Variants in SLC35F1 observed in about 807,000 individuals in gnomAD.
The protein encoded by SLC35F1 is solute carrier family 35 member F1.
SLC35F1 carries 14 observed loss-of-function variants against 48.7 expected under a neutral mutation model. That is an observed-to-expected ratio of 0.29 (90% CI 0.19 to 0.45). The LOEUF is 0.45. SLC35F1 is among the 20% of genes least tolerant of loss of function. The pLI, the probability that SLC35F1 is intolerant of heterozygous loss-of-function variation, is 1.00. For synonymous variants in SLC35F1, 190 were observed against 202.2 expected (o/e 0.94, Z 0.51); for missense variants, 404 against 500.0 (o/e 0.81, Z 1.83).
intron 2 of SLC35F1, among the ~76,000 whole-genome samples, chr6:118,226,834 T>C (rs759112888): frequency 3.3e-5 from 5 of 152,098 alleles, no homozygotes; most frequent in African/African-American, 4.8e-5. Flanking sequence ...CATTTCAAAA[T>C]AGCTAGAAGA....
At chr6:118,038,991 T>C (rs1319884713) in intron 1 of SLC35F1, among the ~76,000 whole-genome samples, 2 of 152,228 alleles carry the variant, frequency 1.3e-5, no homozygotes, top group Non-Finnish European at 2.9e-5. Context: ...TTAATTTTTG[T>C]ATATTGATGT....
In SLC35F1 at chr6:118,172,531, G is replaced by C. The variant is rs574208560; in HGVS notation, c.349+17911G>C. On this transcript the variant is annotated intron_variant, in intron 2 of 7. Coordinates refer to ENST00000360388, the MANE Select transcript of SLC35F1 (RefSeq NM_001029858.4). The stretch of plus-strand genomic sequence containing the variant: ...AGGAATCCCAAATCTGTGTAAATTA[G>C]CAGCATGGTCTAGATAACTGCTGTG... Among the ~76,000 whole-genome samples the C allele has an allele frequency of 5.9e-5, 9 of 152,196 alleles. No homozygotes were observed. In the South Asian group the frequency reaches 1.9e-3, roughly 32 times the overall value.
chr6:118,219,492 C>G (rs1450510027), intron 2 of SLC35F1, among the ~76,000 whole-genome samples: 2 of 152,176 alleles, frequency 1.3e-5, no homozygotes, highest in African/African-American at 4.8e-5. Context: ...GAATGGCGAT[C>G]ATTAAAAAGT....
At chr6:118,209,811 G>C (rs1582731060) in intron 2 of SLC35F1, among the ~76,000 whole-genome samples, 1 of 152,072 alleles carries the variant, frequency 6.6e-6, no homozygotes, top group South Asian at 2.1e-4. Context: ...TGCTGTGAGA[G>C]TCCAGCAATG....
chr6:117,952,946 T>C (rs1446300954), intron 1 of SLC35F1, among the ~76,000 whole-genome samples: 1 of 152,162 alleles, frequency 6.6e-6, no homozygotes, highest in Non-Finnish European at 1.5e-5. Flanking sequence ...ACTGAGAACC[T>C]TCACCTATAA....
intron 1 of SLC35F1, among the ~76,000 whole-genome samples, chr6:118,071,205 A>G (rs911345919): frequency 6.8e-6 from 1 of 147,356 alleles, no homozygotes; most frequent in East Asian, 2.0e-4. Context: ...CACATAGTAT[A>G]TATATATACT....
At chr6:118,272,271 T>C (rs1775860928) in intron 4 of SLC35F1, among the ~76,000 whole-genome samples, 1 of 151,688 alleles carries the variant, frequency 6.6e-6, no homozygotes. Flanking sequence ...AGACAAGGAG[T>C]GGAGTATGGT....
intron 2 of SLC35F1, among the ~76,000 whole-genome samples, chr6:118,232,230 A>G (rs1160727054): frequency 3.9e-5 from 6 of 152,188 alleles, no homozygotes; most frequent in Non-Finnish European, 8.8e-5. Context: ...AGGTAATTAT[A>G]AGACAGGAGG....
At chr6:118,281,613 T>C (rs1206912223) in intron 6 of SLC35F1, among the ~76,000 whole-genome samples, 36 of 152,310 alleles carry the variant, frequency 2.4e-4, no homozygotes. Context: ...GTCTCCTCTG[T>C]GATTCTACCC....
At chr6:117,965,952 T>C (rs1484732725) in intron 1 of SLC35F1, among the ~76,000 whole-genome samples, 1 of 152,072 alleles carries the variant, frequency 6.6e-6, no homozygotes, top group Non-Finnish European at 1.5e-5. Context: ...CAGTCAGCAC[T>C]CTGTGTCTAG....
chr6:118,016,860 T>C (rs1337225009), intron 1 of SLC35F1, among the ~76,000 whole-genome samples: 2 of 152,222 alleles, frequency 1.3e-5, no homozygotes, highest in African/African-American at 2.4e-5. Context: ...CTCCAAGCCA[T>C]CCTGTCTCTT....
intron 2 of SLC35F1, among the ~76,000 whole-genome samples, chr6:118,225,700 C>G (rs953890505): frequency 8.1e-6 from 1 of 122,746 alleles, no homozygotes; most frequent in Admixed American, 9.3e-5. Context: ...GGTGAAACCC[C>G]GTCTCTACTA....
intron 3 of SLC35F1, among the ~76,000 whole-genome samples, chr6:118,253,755 G>T (rs1228913706): frequency 6.6e-6 from 1 of 152,068 alleles, no homozygotes; most frequent in Non-Finnish European, 1.5e-5. Context: ...AGTAAGATAA[G>T]AAGTCAGAAG....
chr6:118,033,143 A>G (rs1045999956), intron 1 of SLC35F1, among the ~76,000 whole-genome samples: 1 of 152,100 alleles, frequency 6.6e-6, no homozygotes, highest in Non-Finnish European at 1.5e-5. Flanking sequence ...AAGTTTTTCT[A>G]TTTCATGAAA....
chr6:118,173,394 AACAAAAAAC>A (rs1377498932), intron 2 of SLC35F1, among the ~76,000 whole-genome samples: 4 of 127,782 alleles, frequency 3.1e-5, no homozygotes, highest in African/African-American at 1.7e-4. Flanking sequence ...TTAAAAAAAA[AACAAAAAAC>A]AAAAAAAAAA....
intron 7 of SLC35F1, among the ~76,000 whole-genome samples, chr6:118,299,089 G>A (rs1427964014): frequency 6.6e-6 from 1 of 152,118 alleles, no homozygotes; most frequent in Non-Finnish European, 1.5e-5. Flanking sequence ...GCTAAGGTGG[G>A]AGGATCACTA....
At chr6:117,930,944 G>C (rs1776092711) in intron 1 of SLC35F1, among the ~76,000 whole-genome samples, 1 of 152,082 alleles carries the variant, frequency 6.6e-6, no homozygotes, top group African/African-American at 2.4e-5. Context: ...ATTGGTTCTG[G>C]GTCAGGCCAT....
At chr6:118,129,044 A>G (rs543184828) in intron 1 of SLC35F1, among the ~76,000 whole-genome samples, 1 of 152,244 alleles carries the variant, frequency 6.6e-6, no homozygotes, top group South Asian at 2.1e-4. Context: ...AGTGTCCCCT[A>G]TGTGAGAGGC....
At chr6:118,058,799 T>A (rs889269182) in intron 1 of SLC35F1, among the ~76,000 whole-genome samples, 2 of 152,182 alleles carry the variant, frequency 1.3e-5, no homozygotes, top group African/African-American at 4.8e-5. Context: ...TTAGTCTCAG[T>A]GCAATGAAAA....
Sources: gnomAD v4.1 joint callset for allele counts (sites outside exome capture counted in the v4.1 genomes callset) on GRCh38, gnomAD v4.1.1 for gene constraint, MANE v1.5 for transcripts, NCBI Gene and HGNC (gene_info 2026-07-23, HGNC 2026-07-21) for gene names.